The following IFT43 variants were observed in gnomAD, a reference collection of about 807,000 sequenced individuals.
The protein encoded by IFT43 is intraflagellar transport 43.
A neutral mutation model predicts 32.3 loss-of-function variants in IFT43; 33 were observed. The observed-to-expected ratio is 1.02, with a 90% confidence interval of 0.77 to 1.37. The LOEUF is 1.37. Ranked by LOEUF, IFT43 falls within the 40% of genes most tolerant of loss-of-function variation. IFT43 has a pLI of 0.00. For synonymous variants in IFT43, 93 were observed against 98.2 expected, an observed-to-expected ratio of 0.95 and a Z score of 0.31; for missense variants, 274 against 265.9, an observed-to-expected ratio of 1.03 and a Z score of -0.21.
chr14:75,994,722 A>G (rs1469299644), intron 2 of IFT43, among the ~76,000 whole-genome samples: 1 of 152,248 alleles, frequency 6.6e-6, no homozygotes, highest in Non-Finnish European at 1.5e-5. Flanking sequence ...GCTGGAAGAT[A>G]GTTCTATGAT....
At chr14:76,060,249 G>A (rs1288774164) in intron 5 of IFT43, among the ~76,000 whole-genome samples, 1 of 151,960 alleles carries the variant, frequency 6.6e-6, no homozygotes, top group Admixed American at 6.6e-5. Context: ...GCAGAGTCTC[G>A]CTGTGTCACC....
intron 3 of IFT43, among the ~76,000 whole-genome samples, chr14:76,035,187 C>T (rs2036575630): frequency 6.6e-6 from 1 of 152,152 alleles, no homozygotes; most frequent in Non-Finnish European, 1.5e-5. Flanking sequence ...TCCTAATTGA[C>T]ACTAAATGAT....
At chr14:76,011,220 T>C (rs2036079323) in intron 2 of IFT43, among the ~76,000 whole-genome samples, 1 of 152,200 alleles carries the variant, frequency 6.6e-6, no homozygotes, top group Non-Finnish European at 1.5e-5. Flanking sequence ...CACTCCTCTC[T>C]TTTTAACGGC....
intron 4 of IFT43, 168 bp downstream of exon 4, chr14:76,058,842 C>CAACTGAAG: frequency 6.5e-7 from 1 of 1,537,460 alleles, no homozygotes; most frequent in Admixed American, 2.0e-5. Flanking sequence ...CCCGCTTCCT[C>CAACTGAAG]AACTGAAGGT....
intron 5 of IFT43, among the ~76,000 whole-genome samples, chr14:76,080,254 A>G (rs2037485359): frequency 6.6e-6 from 1 of 152,088 alleles, no homozygotes; most frequent in African/African-American, 2.4e-5. Context: ...TTAGAGAGAA[A>G]TCCCACTGTG....
At chr14:76,083,137 C>T in intron 7 of IFT43, 90 bp from the exon 8 acceptor site, 2 of 1,423,278 alleles carry the variant, frequency 1.4e-6, no homozygotes, top group Non-Finnish European at 2.0e-6. Context: ...GAAGTTCTGA[C>T]ACACAAAAAC....
intron 5 of IFT43, among the ~76,000 whole-genome samples, chr14:76,077,469 C>G (rs1359763788): frequency 6.6e-6 from 1 of 152,066 alleles, no homozygotes. Context: ...TTCAGTTGTT[C>G]CTAATTTTTC....
chr14:76,075,039 C>T (rs2037388471), intron 5 of IFT43, among the ~76,000 whole-genome samples: 1 of 152,232 alleles, frequency 6.6e-6, no homozygotes. Context: ...CGTATGGGCA[C>T]CCCAAACTGG....
In IFT43 at chr14:75,991,423, G is replaced by A. The variant is rs369341147; in HGVS notation, c.147+2446G>A. Among the ~76,000 whole-genome samples the A allele has an allele frequency of 4.5e-4, 63 of 139,956 alleles. No homozygotes were observed. The South Asian group carries it at 4.8e-3, about 11-fold the overall frequency. 91.8% of individuals were successfully genotyped at this position (139,956 alleles called of 152,430 possible). A position where few individuals can be genotyped will look rare whatever the true frequency, so the allele number is the denominator to read the frequency against. ...TGTGTGTGTGTGTGTGTGTGTGTGTGTGTATGTATGTATATATATTTTAAA... is the reference window on the plus strand; with the variant it reads ...TGTGTGTGTGTGTGTGTGTGTGTGTATGTATGTATGTATATATATTTTAAA... On this transcript the variant is annotated intron_variant, in intron 2 of 8. Coordinates refer to ENST00000314067, the MANE Select transcript of IFT43 (RefSeq NM_001102564.3).
chr14:76,047,185 T>C (rs1441969745), intron 3 of IFT43, among the ~76,000 whole-genome samples: 2 of 152,174 alleles, frequency 1.3e-5, no homozygotes, highest in East Asian at 3.9e-4. Flanking sequence ...ATTCAAACCA[T>C]AGCACCCTCT....
At chr14:76,080,930 C>T (rs1007303227) in intron 5 of IFT43, among the ~76,000 whole-genome samples, 7 of 152,164 alleles carry the variant, frequency 4.6e-5, no homozygotes, top group South Asian at 2.1e-4. Flanking sequence ...GTGGATGTGT[C>T]TCTGCTTTAT....
chr14:75,993,719 T>C (rs2035686639), intron 2 of IFT43, among the ~76,000 whole-genome samples: 1 of 152,200 alleles, frequency 6.6e-6, no homozygotes, highest in African/African-American at 2.4e-5. Flanking sequence ...TCCTTCCAGC[T>C]TCCTGCTCTG....
intron 2 of IFT43, among the ~76,000 whole-genome samples, chr14:75,999,281 A>ATATTTTTTT (rs1566699821): frequency 2.6e-5 from 1 of 39,062 alleles, no homozygotes; most frequent in African/African-American, 1.2e-4. Flanking sequence ...ATGTATATAT[A>ATATTTTTTT]TTTTTTTTTT....
At chr14:76,048,462 C>T (rs2036850631) in intron 3 of IFT43, among the ~76,000 whole-genome samples, 1 of 152,186 alleles carries the variant, frequency 6.6e-6, no homozygotes, top group Non-Finnish European at 1.5e-5. Context: ...CCTTGTTCTC[C>T]CTTTGATGGA....
chr14:76,024,264 G>A (rs1040017220), intron 3 of IFT43, among the ~76,000 whole-genome samples: 3 of 152,160 alleles, frequency 2.0e-5, no homozygotes, highest in Non-Finnish European at 4.4e-5. Flanking sequence ...TTTTAAATAA[G>A]GAGAAAGTAT....
At chr14:76,032,571 A>G (rs1030926568) in intron 3 of IFT43, among the ~76,000 whole-genome samples, 3 of 151,994 alleles carry the variant, frequency 2.0e-5, no homozygotes, top group Non-Finnish European at 1.5e-5. Flanking sequence ...CTCTTTTTCT[A>G]TCTGCTGCAA....
At chr14:76,059,275 T>C (rs1403908440) in intron 4 of IFT43, 52 bp from the exon 5 acceptor site, 22 of 1,613,434 alleles carry the variant, frequency 1.4e-5, no homozygotes, top group Middle Eastern at 1.6e-4. Flanking sequence ...GATGTTCCTT[T>C]CCGTGTTTGA....
Position 76,076,696 on chromosome 14 carries a change from G to C in IFT43, c.296-5599G>C, listed in dbSNP as rs2037419474. ...TGGCTTCATTGGAAGAGGCAGGTAG[G>C]CTTTTGACTGTCAGTCTACGGGAAC... On this transcript the variant is annotated intron_variant, in intron 5 of 8. Transcript: ENST00000314067. The C allele has an allele frequency of 6.2e-7, 1 of 1,613,986 alleles. No individual in the cohort carries two copies. The highest frequency in any genetic ancestry group is 1.7e-5 in the Admixed American group (1 of 59,994).
At chr14:76,033,813 G>A (rs2036550195) in intron 3 of IFT43, among the ~76,000 whole-genome samples, 1 of 152,134 alleles carries the variant, frequency 6.6e-6, no homozygotes, top group Non-Finnish European at 1.5e-5. Flanking sequence ...ATCAGGAATG[G>A]CAAAAGGAGC....
Sources: gnomAD v4.1 joint callset for allele counts (sites outside exome capture counted in the v4.1 genomes callset) on GRCh38, gnomAD v4.1.1 for gene constraint, MANE v1.5 for transcripts, NCBI Gene and HGNC (gene_info 2026-07-23, HGNC 2026-07-21) for gene names.